Variants in ENPEP observed in about 807,000 individuals in gnomAD.
ENPEP encodes the protein AP-A.
A neutral mutation model predicts 114.5 loss-of-function variants in ENPEP; 103 were observed. The ratio of observed to expected loss-of-function variants is 0.90; its 90% CI spans 0.77 to 1.06. The LOEUF (loss-of-function observed/expected upper bound fraction) is 1.06, where lower values mean the gene tolerates loss of function less well. Ranked by LOEUF, ENPEP falls within the 50% of genes least tolerant of loss-of-function variation. ENPEP has a pLI of 0.00. For synonymous variants in ENPEP, 420 were observed against 422.0 expected (o/e 1.00, Z 0.06); for missense variants, 1,196 against 1,161.3 (o/e 1.03, Z -0.43).
At chr4:110,544,969 A>G (rs1188736234) in intron 13 of ENPEP, among the ~76,000 whole-genome samples, 1 of 152,140 alleles carries the variant, frequency 6.6e-6, no homozygotes, top group Non-Finnish European at 1.5e-5. Flanking sequence ...TACCTGTGCT[A>G]TCACCTGGCT....
intron 6 of ENPEP, 120 bp from the exon 7 acceptor site, chr4:110,513,295 T>TTTAAG: frequency 8.7e-7 from 1 of 1,146,562 alleles, no homozygotes; most frequent in South Asian, 1.7e-5. Flanking sequence ...AGACCTAATG[T>TTTAAG]TTAAGTAACT....
Position 110,541,830 on chromosome 4 carries a change from A to G in ENPEP, c.1808-921A>G, listed in dbSNP as rs78807023. ...TCCTATACCATTATTTAAATTGTAT[A>G]TTGTTCATGTAAACAAAAGAGTGTA... is the stretch of plus-strand genomic sequence containing the variant. On this transcript the variant is annotated intron_variant, in intron 11 of 19. Transcript: ENST00000265162. 7.6e-3 allele frequency among the ~76,000 whole-genome samples: 1,158 copies of G among 152,274 alleles called. 6 individuals are homozygous for G. Among genetic ancestry groups the G allele is most frequent in the African/African-American group, 0.027 (1,112 of 41,566 alleles).
At position 110,542,776 on chromosome 4, in the gene ENPEP, T is replaced by A; in HGVS notation, c.1833T>A (p.Pro611=). 1 of 1,612,852 alleles carries A rather than the reference T, an allele frequency of 6.2e-7. No homozygotes were observed. The highest frequency in any genetic ancestry group is 8.5e-7 in the Non-Finnish European group (1 of 1,179,192). ...GAATCACTTTGAACTCCTCTAATCC[T>A]AGTGGAAATGCTTTTCTCAAAATAA... The part of the protein sequence containing the change: ...KEGITLNSSN[P]SGNAFLKINP... The change falls in exon 12 of 20, where the codon CCT becomes CCA. Residue 611 remains proline, a synonymous_variant. Coordinates refer to ENST00000265162, the MANE Select transcript of ENPEP (RefSeq NM_001977.4).
chr4:110,519,740 AT>A (rs1056958585), intron 8 of ENPEP, among the ~76,000 whole-genome samples: 11 of 152,104 alleles, frequency 7.2e-5, no homozygotes, highest in Admixed American at 5.9e-4. Context: ...CCATCCATGT[AT>A]TTTTTTTAAG....
chr4:110,549,054 G>A lies in ENPEP; in HGVS notation c.2152-292G>A, dbSNP rs182874236. Among the ~76,000 whole-genome samples, 280 of 152,102 alleles carry A rather than the reference G, an allele frequency of 1.8e-3. 1 individual carries two copies. The highest frequency in any genetic ancestry group is 6.4e-3 in the African/African-American group (267 of 41,544). On this transcript the variant is annotated intron_variant, in intron 14 of 19. Transcript: ENST00000265162. The stretch of plus-strand genomic sequence containing the variant: ...TTAAACAATCTTAGTGCAGAAAGTA[G>A]GTTGAGTGTTTTCCTATTTATTACA...
intron 11 of ENPEP, among the ~76,000 whole-genome samples, chr4:110,535,714 C>T (rs575143381): frequency 2.2e-4 from 34 of 152,286 alleles, no homozygotes; most frequent in South Asian, 4.2e-4. Context: ...GGGCTGGGCG[C>T]GGTGGCTCAC....
At chr4:110,520,772 G>A (rs1405569593) in intron 10 of ENPEP, among the ~76,000 whole-genome samples, 1 of 152,164 alleles carries the variant, frequency 6.6e-6, no homozygotes, top group Non-Finnish European at 1.5e-5. Context: ...TACAGTGTTA[G>A]CATGAAGACT....
intron 3 of ENPEP, among the ~76,000 whole-genome samples, chr4:110,498,680 C>T (rs1725038495): frequency 6.6e-6 from 1 of 152,152 alleles, no homozygotes; most frequent in African/African-American, 2.4e-5. Context: ...TCATGCAGGG[C>T]CCTGCCTGGC....
At chr4:110,487,236 T>G (rs927891397) in intron 1 of ENPEP, among the ~76,000 whole-genome samples, 11 of 152,246 alleles carry the variant, frequency 7.2e-5, no homozygotes, top group African/African-American at 2.7e-4. Context: ...AATTTGTTAG[T>G]CCTGCAAAGG....
chr4:110,494,111 G>A (rs1374075498), intron 3 of ENPEP, among the ~76,000 whole-genome samples: 3 of 152,248 alleles, frequency 2.0e-5, no homozygotes, highest in South Asian at 4.2e-4. Context: ...AAAAAGTGAC[G>A]AGAAAACGAT....
chr4:110,491,886 A>G (rs1464793530), intron 3 of ENPEP, among the ~76,000 whole-genome samples: 2 of 151,760 alleles, frequency 1.3e-5, no homozygotes, highest in African/African-American at 4.8e-5. Context: ...ACGCCTGGCT[A>G]ATTTTTGTAT....
At chr4:110,478,138 T>C (rs1196722820) in intron 1 of ENPEP, among the ~76,000 whole-genome samples, 1 of 152,214 alleles carries the variant, frequency 6.6e-6, no homozygotes, top group East Asian at 1.9e-4. Context: ...TTTCTGTTGT[T>C]TTAAGCATCT....
chr4:110,550,454 G>A (rs2110395558), intron 17 of ENPEP, among the ~76,000 whole-genome samples: 1 of 152,170 alleles, frequency 6.6e-6, no homozygotes, highest in South Asian at 2.1e-4. Context: ...TGGGGTAGAA[G>A]TCTGTTTTAC....
rs149710260 is a variant in ENPEP, at chr4:110,482,711, T to A, written c.644+5653T>A. 2.9e-4 allele frequency among the ~76,000 whole-genome samples: 44 copies of A among 152,270 alleles called. 1 individual carries two copies. Among genetic ancestry groups the A allele is most frequent in the African/African-American group, 9.9e-4 (41 of 41,558 alleles). On this transcript the variant is annotated intron_variant, in intron 1 of 19. Transcript: ENST00000265162. ...ATCCCATTGTCAATAAAAATGTCAA[T>A]AAAGAATAGATTTTAGGTTGGGCGA...
chr4:110,500,929 G>C (rs1725129586), intron 3 of ENPEP, among the ~76,000 whole-genome samples: 1 of 151,996 alleles, frequency 6.6e-6, no homozygotes, highest in South Asian at 2.1e-4. Context: ...TTAAAGGTGG[G>C]GTCAGAGAGC....
intron 13 of ENPEP, among the ~76,000 whole-genome samples, chr4:110,544,941 C>A (rs1578416396): frequency 6.6e-6 from 1 of 152,050 alleles, no homozygotes; most frequent in Admixed American, 6.6e-5. Context: ...TGTAGGATCA[C>A]ACAAGAGAGC....
chr4:110,494,880 A>G (rs1724869458), intron 3 of ENPEP, among the ~76,000 whole-genome samples: 1 of 152,142 alleles, frequency 6.6e-6, no homozygotes, highest in Admixed American at 6.5e-5. Flanking sequence ...CAAGAAATCT[A>G]CTCCTGAGGT....
At chr4:110,540,937 G>A (rs937089061) in intron 11 of ENPEP, among the ~76,000 whole-genome samples, 1 of 152,066 alleles carries the variant, frequency 6.6e-6, no homozygotes, top group Non-Finnish European at 1.5e-5. Flanking sequence ...AAGTGATCTG[G>A]CCAAGGTCAC....
chr4:110,499,025 G>A (rs1725053173), intron 3 of ENPEP, among the ~76,000 whole-genome samples: 1 of 152,098 alleles, frequency 6.6e-6, no homozygotes, highest in Admixed American at 6.5e-5. Flanking sequence ...AAAAGTTTGG[G>A]CTTTTAAATG....
Sources: gnomAD v4.1 joint callset for allele counts (sites outside exome capture counted in the v4.1 genomes callset) on GRCh38, gnomAD v4.1.1 for gene constraint, MANE v1.5 for transcripts, NCBI Gene and HGNC (gene_info 2026-07-23, HGNC 2026-07-21) for gene names.